SGF29: variants seen among roughly 807,000 people sequenced by gnomAD.
SGF29 encodes SAGA complex associated factor 29, also known as SAGA-associated factor 29.
Under a neutral mutation model 38.1 loss-of-function variants are expected in SGF29, and 15 were observed. The ratio of observed to expected loss-of-function variants is 0.39; its 90% CI spans 0.26 to 0.61. SGF29 has a LOEUF of 0.61. SGF29 is among the 20% of genes least tolerant of loss of function. The pLI is 0.49. For synonymous variants in SGF29, 151 were observed against 160.8 expected, an observed-to-expected ratio of 0.94 and a Z score of 0.46; for missense variants, 184 against 394.6, an observed-to-expected ratio of 0.47 and a Z score of 4.52.
At chr16:28,571,591 T>TAAA (rs143979584) in intron 1 of SGF29, among the ~76,000 whole-genome samples, 17,629 of 126,898 alleles carry the variant, frequency 0.14, 1,464 homozygotes, top group East Asian at 0.21. Context: ...GACTCCGCCT[T>TAAA]AAAAAAAAAA....
At chr16:28,564,457 G>A (rs2046808534) in intron 1 of SGF29, among the ~76,000 whole-genome samples, 1 of 149,056 alleles carries the variant, frequency 6.7e-6, no homozygotes, top group African/African-American at 2.5e-5. Context: ...ACACTGGGGA[G>A]CGTGGAGGCC....
intron 4 of SGF29, among the ~76,000 whole-genome samples, chr16:28,588,880 G>GT (rs112479807): frequency 0.32 from 48,828 of 151,776 alleles, 8,681 homozygotes; most frequent in Non-Finnish European, 0.38. Context: ...CAGATTTCTA[G>GT]TTTCACCATG....
intron 1 of SGF29, among the ~76,000 whole-genome samples, chr16:28,574,103 C>T (rs563302032): frequency 1.3e-5 from 2 of 152,166 alleles, no homozygotes; most frequent in Non-Finnish European, 2.9e-5. Context: ...AAGAATTCGA[C>T]TTGGGCACAA....
intron 1 of SGF29, among the ~76,000 whole-genome samples, chr16:28,565,792 TG>T (rs2046832638): frequency 6.6e-6 from 1 of 151,148 alleles, no homozygotes; most frequent in South Asian, 2.1e-4. Flanking sequence ...CAGCCAGGTA[TG>T]GTAGTTTTAT....
intron 3 of SGF29, 92 bp from the exon 4 acceptor site, chr16:28,585,556 C>A: frequency 1.7e-6 from 2 of 1,163,298 alleles, no homozygotes; most frequent in Non-Finnish European, 2.6e-6. Flanking sequence ...CCTCTCTGTG[C>A]CTCCACGAGT....
At chr16:28,563,534 C>T (rs577449772) in intron 1 of SGF29, among the ~76,000 whole-genome samples, 1 of 152,230 alleles carries the variant, frequency 6.6e-6, no homozygotes, top group Non-Finnish European at 1.5e-5. Context: ...TTATGAGATA[C>T]ACACCATTTT....
chr16:28,580,326 G>A (rs906391070), intron 1 of SGF29, among the ~76,000 whole-genome samples: 1 of 152,126 alleles, frequency 6.6e-6, no homozygotes, highest in Non-Finnish European at 1.5e-5. Context: ...GGTGGCTTAA[G>A]ACAAGAGAAA....
At chr16:28,574,464 G>A (rs947885522) in intron 1 of SGF29, among the ~76,000 whole-genome samples, 1 of 152,192 alleles carries the variant, frequency 6.6e-6, no homozygotes, top group South Asian at 2.1e-4. Flanking sequence ...TAATGTGCAT[G>A]CTCAGGAAGG....
At chr16:28,579,365 C>T (rs1045864520) in intron 1 of SGF29, among the ~76,000 whole-genome samples, 3 of 148,198 alleles carry the variant, frequency 2.0e-5, no homozygotes, top group African/African-American at 7.5e-5. Flanking sequence ...TCAAGCAATT[C>T]TCCTGCCTCA....
chr16:28,581,918 CAA>C (rs201203626), intron 2 of SGF29, among the ~76,000 whole-genome samples: 4 of 137,206 alleles, frequency 2.9e-5, no homozygotes, highest in African/African-American at 5.4e-5. Flanking sequence ...GACTCCATCT[CAA>C]AAAAAAAAAA....
At chr16:28,576,160 C>G (rs926867330) in intron 1 of SGF29, among the ~76,000 whole-genome samples, 3 of 150,684 alleles carry the variant, frequency 2.0e-5, no homozygotes, top group Admixed American at 1.3e-4. Flanking sequence ...AGTGTAAATA[C>G]GTTAAAAAAA....
chr16:28,575,408 C>T (rs1012753662), intron 1 of SGF29, among the ~76,000 whole-genome samples: 2 of 152,206 alleles, frequency 1.3e-5, no homozygotes, highest in Admixed American at 6.5e-5. Context: ...TGGCTGGACA[C>T]GGTGGCTCAC....
chr16:28,571,798 G>A (rs1325956652), intron 1 of SGF29, among the ~76,000 whole-genome samples: 1 of 151,966 alleles, frequency 6.6e-6, no homozygotes, highest in Admixed American at 6.6e-5. Flanking sequence ...GGGAAGGAGA[G>A]AGCTGGGGTG....
chr16:28,578,341 C>T (rs935614256), intron 1 of SGF29, among the ~76,000 whole-genome samples: 2 of 151,982 alleles, frequency 1.3e-5, no homozygotes, highest in Non-Finnish European at 2.9e-5. Context: ...CATCTTATTG[C>T]CTCATTGCCC....
chr16:28,564,532 T>C (rs1313817938), intron 1 of SGF29, among the ~76,000 whole-genome samples: 3 of 113,558 alleles, frequency 2.6e-5, no homozygotes, highest in African/African-American at 1.0e-4. Flanking sequence ...TGTGTGTATA[T>C]ATATATGTAT....
intron 3 of SGF29, 40 bp downstream of exon 3, chr16:28,585,028 G>T: frequency 6.6e-7 from 1 of 1,525,214 alleles, no homozygotes; most frequent in Admixed American, 1.7e-5. Context: ...GATGAGATGG[G>T]GCTAGGGTGA....
intron 1 of SGF29, 155 bp downstream of exon 1, chr16:28,554,252 G>T (rs1230330786): frequency 6.6e-6 from 1 of 151,702 alleles, no homozygotes; most frequent in Non-Finnish European, 1.5e-5. Flanking sequence ...GGGCTCGTGG[G>T]GGTGGGGGCG....
At chr16:28,581,207 T>G in intron 2 of SGF29, 63 bp downstream of exon 2, 1 of 1,473,028 alleles carries the variant, frequency 6.8e-7, no homozygotes, top group Non-Finnish European at 9.4e-7. Flanking sequence ...AGCCGTGAAG[T>G]GGGGGTGGCA....
chr16:28,575,913 G>C (rs2046889902), intron 1 of SGF29, among the ~76,000 whole-genome samples: 1 of 152,164 alleles, frequency 6.6e-6, no homozygotes, highest in African/African-American at 2.4e-5. Context: ...GGGAGGCCAA[G>C]GCAGGAGGAT....
Sources: gnomAD v4.1 joint callset for allele counts (sites outside exome capture counted in the v4.1 genomes callset) on GRCh38, gnomAD v4.1.1 for gene constraint, MANE v1.5 for transcripts, NCBI Gene and HGNC (gene_info 2026-07-23, HGNC 2026-07-21) for gene names.